The following TSC22D4 variants were observed in gnomAD, a reference collection of about 807,000 sequenced individuals.
TSC22D4 encodes TSC22 domain family protein 4.
A neutral mutation model predicts 24.9 loss-of-function variants in TSC22D4; 5 were observed. That is an observed-to-expected ratio of 0.20 (90% CI 0.10 to 0.42). TSC22D4 has a LOEUF of 0.42. Ranked by LOEUF, TSC22D4 falls within the 10% of genes least tolerant of loss-of-function variation. The probability of loss-of-function intolerance (pLI) is 1.00; values close to 1 mark genes in which losing one functional copy is unlikely to be tolerated. For synonymous variants in TSC22D4, 245 were observed against 243.2 expected (o/e 1.01, Z -0.07); for missense variants, 469 against 547.9 (o/e 0.86, Z 1.44).
At position 100,477,166 on chromosome 7, in the gene TSC22D4, T is replaced by C. The variant is rs1447077411; in HGVS notation, c.762+111A>G. 9 of 966,904 alleles carry C rather than the reference T, an allele frequency of 9.3e-6. No homozygotes were observed. The highest frequency in any genetic ancestry group is 1.3e-5 in the Non-Finnish European group (9 of 696,780). The allele number at this position is 966,904 out of a possible 1,614,324, so 59.9% of individuals were successfully genotyped here. ...AGGCACAGAGAAGAGGGCTATCTGA[T>C]CTTATAAAGTGATGGAGAAGGAGGA... On this transcript the variant is annotated intron_variant, in intron 2 of 4. Transcript: ENST00000300181. This position sits in a 1 kb window ranked among gnomAD's most constrained non-coding sequence, Gnocchi z 7.8.
At position 100,474,156 on chromosome 7, in the gene TSC22D4, G is replaced by T. The variant is rs1799446693; in HGVS notation, c.929+118C>A. The stretch of plus-strand genomic sequence containing the variant: ...TGCCCAGGCCAGGTTTCTCTAAGAG[G>T]TCCTCTCCAAGTTCAACCTGGGGGA... On this transcript the variant is annotated intron_variant, in intron 3 of 4. Coordinates refer to ENST00000300181, the MANE Select transcript of TSC22D4 (RefSeq NM_030935.5). This position sits in a 1 kb window ranked among gnomAD's most constrained non-coding sequence, Gnocchi z 4.3. The T allele has an allele frequency of 1.5e-6, 2 of 1,359,938 alleles. No homozygotes were observed. The highest frequency in any genetic ancestry group is 2.0e-6 in the Non-Finnish European group (2 of 985,866). The allele number at this position is 1,359,938 out of a possible 1,614,324, so 84.2% of individuals were successfully genotyped here.
intron 3 of TSC22D4, among the ~76,000 whole-genome samples, chr7:100,472,288 C>G (rs573284370): frequency 6.6e-6 from 1 of 152,016 alleles, no homozygotes; most frequent in Non-Finnish European, 1.5e-5. Context: ...AACCCAAACC[C>G]GCTGGCCTGG....
chr7:100,476,799 G>A (rs533795874), intron 2 of TSC22D4, among the ~76,000 whole-genome samples: 1 of 152,278 alleles, frequency 6.6e-6, no homozygotes, highest in Admixed American at 6.5e-5. Context: ...GGGTGGCTGG[G>A]GGAAAAGAAA....
chr7:100,470,629 A>C (rs570427940), intron 3 of TSC22D4, among the ~76,000 whole-genome samples: 1 of 152,032 alleles, frequency 6.6e-6, no homozygotes, highest in Non-Finnish European at 1.5e-5. Flanking sequence ...TCTAACACAC[A>C]CTTCAAGGGA....
At chr7:100,469,660 A>G (rs1799358076) in intron 3 of TSC22D4, among the ~76,000 whole-genome samples, 2 of 151,758 alleles carry the variant, frequency 1.3e-5, no homozygotes, top group Admixed American at 1.3e-4. Flanking sequence ...CTGTGGCGGG[A>G]TCCCCAGTCC....
In TSC22D4 at chr7:100,474,482, AGAAAG is replaced by A; in HGVS notation, c.763-47_763-43del. 4 of 1,610,112 alleles carry A rather than the reference AGAAAG, an allele frequency of 2.5e-6. No homozygotes were observed. Among genetic ancestry groups the A allele is most frequent in the Non-Finnish European group, 3.4e-6 (4 of 1,178,080 alleles). ...AGGAACCATCACATGAAAAGAGAAA[AGAAAG>A]GAACCAGCTGCCTTAAAACTTGCCT... On this transcript the variant is annotated intron_variant, in intron 2 of 4. Coordinates refer to ENST00000300181, the MANE Select transcript of TSC22D4 (RefSeq NM_030935.5). This position sits in a 1 kb window ranked among gnomAD's most constrained non-coding sequence, Gnocchi z 4.3.
intron 3 of TSC22D4, chr7:100,473,890 T>G: frequency 5.3e-6 from 1 of 189,870 alleles, no homozygotes; most frequent in Non-Finnish European, 1.1e-5. Context: ...GCACTATGAG[T>G]ACAGGCGGGA....
chr7:100,477,833 G>C lies in TSC22D4; in HGVS notation c.206C>G (p.Ser69Cys). The C allele has an allele frequency of 6.2e-7, 1 of 1,603,880 alleles. No homozygotes were observed. The highest frequency in any genetic ancestry group is 8.5e-7 in the Non-Finnish European group (1 of 1,177,592). The change falls in exon 2 of 5, where the codon TCC becomes TGC. Residue 69 changes from serine (S) to cysteine (C), a missense_variant. Coordinates refer to ENST00000300181, the MANE Select transcript of TSC22D4 (RefSeq NM_030935.5). This position sits in a 1 kb window ranked among gnomAD's most constrained non-coding sequence, Gnocchi z 7.8. ...RNGSPPPGAP[S>C]SRFRVVKLPH... ...CAGCTTCACCACCCGGAAACGGGAGGAAGGGGCCCCAGGTGGTGGGGAGCC... is the reference window on the plus strand; with the variant it reads ...CAGCTTCACCACCCGGAAACGGGAGCAAGGGGCCCCAGGTGGTGGGGAGCC...
rs139047289 is a variant in TSC22D4 at position 100,477,315 on chromosome 7, G to T, written c.724C>A (p.Leu242Met). 66 of 1,524,612 alleles carry T rather than the reference G, an allele frequency of 4.3e-5. No individual in the cohort carries two copies. Among genetic ancestry groups the T allele is most frequent in the Middle Eastern group, 3.5e-4 (2 of 5,654 alleles). 94.4% of individuals were successfully genotyped at this position (1,524,612 alleles called of 1,614,324 possible). A position where few individuals can be genotyped will look rare whatever the true frequency, so the allele number is the denominator to read the frequency against. Residue 242 changes from leucine to methionine, a missense_variant, in exon 2 of 5, where the codon CTG becomes ATG. Transcript: ENST00000300181. This position sits in a 1 kb window ranked among gnomAD's most constrained non-coding sequence, Gnocchi z 7.8. ...LSRRKAVDMR[L>M]RMELGAPEEM... ...TCTGGAGCACCCAACTCCATCCGCAGCCGCATGTCTACAGCTTTCCTCCGG... is the reference window on the plus strand; with the variant it reads ...TCTGGAGCACCCAACTCCATCCGCATCCGCATGTCTACAGCTTTCCTCCGG...
At position 100,478,074 on chromosome 7, in the gene TSC22D4, G is replaced by T. The variant is rs199607048; in HGVS notation, c.-36C>A. 2.6e-6 allele frequency: 4 copies of T among 1,557,500 alleles called. No individual in the cohort carries two copies. In the Admixed American group the frequency reaches 7.9e-5, roughly 31 times the overall value. On this transcript the variant is annotated 5_prime_UTR_variant, in exon 2 of 5. Coordinates refer to ENST00000300181, the MANE Select transcript of TSC22D4 (RefSeq NM_030935.5). ...GCTCAGGGCTGGGCCAAGGTTGGGG[G>T]TGGGTTGGGGCTCCTTGAAGGGGCT... is the stretch of plus-strand genomic sequence containing the variant.
At chr7:100,467,624 G>C (rs775285239) in intron 3 of TSC22D4, 24 bp from the exon 4 acceptor site, 1 of 1,613,602 alleles carries the variant, frequency 6.2e-7, no homozygotes, top group African/African-American at 1.3e-5. Context: ...GGAAGGTGAG[G>C]GGAGGAGAGG....
chr7:100,477,287 T>G lies in TSC22D4; in HGVS notation c.752A>C (p.Glu251Ala), dbSNP rs368123778. Residue 251 changes from glutamate (E) to alanine (A), a missense_variant, in exon 2 of 5, where the codon GAG (glutamate) becomes GCG (alanine). Physicochemically the swap from Glu to Ala is moderately radical, Grantham distance 107. Coordinates refer to ENST00000300181, the MANE Select transcript of TSC22D4 (RefSeq NM_030935.5). The surrounding 1 kb of genome is among the most constrained non-coding windows in gnomAD (Gnocchi z 7.8). ...GAACCCAGGTCTTACCTGCCCCATCTCTTCTGGAGCACCCAACTCCATCCG... is the reference window on the plus strand; with the variant it reads ...GAACCCAGGTCTTACCTGCCCCATCGCTTCTGGAGCACCCAACTCCATCCG... ...RLRMELGAPE[E>A]MGQVPPLDSR... 2 of 1,499,966 alleles carry G rather than the reference T, an allele frequency of 1.3e-6. No homozygotes were observed. The highest frequency in any genetic ancestry group is 2.8e-5 in the African/African-American group (2 of 70,994). 92.9% of individuals were successfully genotyped at this position (1,499,966 alleles called of 1,614,324 possible).
chr7:100,467,048 C>G lies in TSC22D4; in HGVS notation c.1099G>C (p.Ala367Pro). 1 of 1,613,592 alleles carries G rather than the reference C, an allele frequency of 6.2e-7. No homozygotes were observed. Among genetic ancestry groups the G allele is most frequent in the Non-Finnish European group, 8.5e-7 (1 of 1,179,862 alleles). ...ALEQENGLLR[A>P]LASPEQLAQL... ...GCCAGCTGCTCCGGGCTGGCCAGGGCGCGCAGCAGCCCATTCTCCTGCTCC... is the reference window on the plus strand; with the variant it reads ...GCCAGCTGCTCCGGGCTGGCCAGGGGGCGCAGCAGCCCATTCTCCTGCTCC... The change falls in exon 5 of 5, where the codon GCC (alanine) becomes CCC (proline). Residue 367 changes from alanine to proline, a missense_variant. Ala to Pro is a conservative substitution (Grantham distance 27). Coordinates refer to ENST00000300181, the MANE Select transcript of TSC22D4 (RefSeq NM_030935.5).
At position 100,477,974 on chromosome 7, in the gene TSC22D4, G is replaced by A; in HGVS notation, c.65C>T (p.Pro22Leu). 6.3e-7 allele frequency: 1 copy of A among 1,578,192 alleles called. No homozygotes were observed. Among genetic ancestry groups the A allele is most frequent in the Non-Finnish European group, 8.6e-7 (1 of 1,163,868 alleles). Residue 22 changes from proline (P) to leucine (L), a missense_variant, in exon 2 of 5, where the codon CCT (proline) becomes CTT (leucine). Physicochemically the swap from Pro to Leu is moderately conservative, Grantham distance 98 (BLOSUM62 -3). Coordinates refer to ENST00000300181, the MANE Select transcript of TSC22D4 (RefSeq NM_030935.5). The surrounding 1 kb of genome is among the most constrained non-coding windows in gnomAD (Gnocchi z 7.8). ...ITSVTTDYEG[P>L]GSPGASDPPT... is the part of the protein sequence containing the mutation. The stretch of plus-strand genomic sequence containing the variant: ...GGGATCCGAAGCCCCTGGGCTCCCA[G>A]GGCCCTCATAGTCCGTGGTGACGCT...
intron 3 of TSC22D4, among the ~76,000 whole-genome samples, chr7:100,470,382 T>C (rs1799369485): frequency 6.6e-6 from 1 of 152,176 alleles, no homozygotes; most frequent in Non-Finnish European, 1.5e-5. Flanking sequence ...AACCTCCACC[T>C]CTGGGTTCAA....
Position 100,466,907 on chromosome 7 carries a change from G to A in TSC22D4, c.*52C>T, listed in dbSNP as rs918183671. The stretch of plus-strand genomic sequence containing the variant: ...AGCTGCATAGGAAGAGGGGGCAGGC[G>A]GCTGACGCAAGGCCGGGCAGCCCCA... On this transcript the variant is annotated 3_prime_UTR_variant, in exon 5 of 5. Transcript: ENST00000300181. 1.3e-5 allele frequency: 19 copies of A among 1,461,744 alleles called. No homozygotes were observed. Among genetic ancestry groups the A allele is most frequent in the South Asian group, 8.3e-5 (6 of 72,716 alleles). 90.5% of individuals were successfully genotyped at this position (1,461,744 alleles called of 1,614,324 possible).
chr7:100,473,437 GTTTT>G (rs1170911186), intron 3 of TSC22D4, among the ~76,000 whole-genome samples: 1 of 151,420 alleles, frequency 6.6e-6, no homozygotes, highest in South Asian at 2.1e-4. Context: ...TTCTTTTTCA[GTTTT>G]TTTTGTTGTT....
chr7:100,472,815 T>C (rs1799419348), intron 3 of TSC22D4, among the ~76,000 whole-genome samples: 1 of 151,090 alleles, frequency 6.6e-6, no homozygotes, highest in African/African-American at 2.4e-5. Context: ...ACCCTATCAG[T>C]GGTGGGCTTG....
chr7:100,467,966 A>AC (rs1563179472), intron 3 of TSC22D4: 1 of 500,574 alleles, frequency 2.0e-6, no homozygotes, highest in Non-Finnish European at 4.0e-6. Context: ...GGGTCCTTAG[A>AC]CACCCCCCCA....
Sources: gnomAD v4.1 joint callset for allele counts (sites outside exome capture counted in the v4.1 genomes callset) on GRCh38, gnomAD v4.1.1 for gene constraint, Gnocchi (gnomAD v3.1) non-coding constraint, MANE v1.5 for transcripts, NCBI Gene and HGNC (gene_info 2026-07-23, HGNC 2026-07-21) for gene names.